HSD17B12: variants seen among roughly 807,000 people sequenced by gnomAD.
HSD17B12 encodes the protein very-long-chain 3-oxoacyl-CoA reductase.
In HSD17B12, 32 loss-of-function variants were observed where a neutral mutation model predicts 39.3. The ratio of observed to expected loss-of-function variants is 0.81; its 90% CI spans 0.61 to 1.09. HSD17B12 has a LOEUF of 1.09. Among genes scored for constraint, HSD17B12 ranks in the 50% least tolerant of loss-of-function variants. The probability of loss-of-function intolerance (pLI) is 0.00; values close to 1 mark genes in which losing one functional copy is unlikely to be tolerated. For missense variants in HSD17B12, 342 were observed against 382.9 expected, an observed-to-expected ratio of 0.89 and a Z score of 0.89; for synonymous variants, 150 against 146.7, an observed-to-expected ratio of 1.02 and a Z score of -0.16.
chr11:43,667,434 C>T, the HSD17B12 span, among the ~76,000 whole-genome samples: 9 of 152,064 alleles, frequency 5.9e-5, no homozygotes, highest in African/African-American at 1.7e-4. Flanking sequence ...TGAACCACAC[C>T]GCACCTAGCC....
the HSD17B12 span, among the ~76,000 whole-genome samples, chr11:43,600,792 A>G: frequency 0.12 from 18,209 of 151,956 alleles, 1,399 homozygotes; most frequent in Middle Eastern, 0.25. Context: ...TTAATATAAT[A>G]TATGTAAATT....
chr11:43,685,002 T>C (rs1245204163), intron 1 of HSD17B12, among the ~76,000 whole-genome samples: 3 of 152,222 alleles, frequency 2.0e-5, no homozygotes, highest in Non-Finnish European at 1.5e-5. Context: ...GCATAATGTT[T>C]TCAAGTTTCA....
chr11:43,729,796 G>A (rs757112951), intron 1 of HSD17B12, among the ~76,000 whole-genome samples: 1 of 152,198 alleles, frequency 6.6e-6, no homozygotes, highest in Admixed American at 6.5e-5. Context: ...TATTTCATCA[G>A]TCTTTAACAC....
intron 1 of HSD17B12, among the ~76,000 whole-genome samples, chr11:43,724,554 A>G (rs1950204338): frequency 6.6e-6 from 1 of 152,132 alleles, no homozygotes; most frequent in Non-Finnish European, 1.5e-5. Context: ...AAGGTCCTGG[A>G]AGATTTGGTA....
At chr11:43,576,103 A>G in the HSD17B12 span, among the ~76,000 whole-genome samples, 3 of 152,224 alleles carry the variant, frequency 2.0e-5, no homozygotes, top group Admixed American at 6.5e-5. Context: ...CAATGGAGAC[A>G]TGCAGCTCTA....
At chr11:43,775,175 TGTGAACAACCA>T (rs1208855939) in intron 3 of HSD17B12, among the ~76,000 whole-genome samples, 2 of 152,172 alleles carry the variant, frequency 1.3e-5, no homozygotes, top group Non-Finnish European at 2.9e-5. Flanking sequence ...GAAACTGAGT[TGTGAACAACCA>T]GTGAACTTGA....
chr11:43,602,532 T>G, the HSD17B12 span, among the ~76,000 whole-genome samples: 13 of 152,152 alleles, frequency 8.5e-5, no homozygotes, highest in Non-Finnish European at 1.2e-4. Flanking sequence ...TGGGGTCCTT[T>G]TTACCCCCCA....
At chr11:43,664,843 C>T in the HSD17B12 span, among the ~76,000 whole-genome samples, 1 of 152,136 alleles carries the variant, frequency 6.6e-6, no homozygotes, top group Non-Finnish European at 1.5e-5. Context: ...GCCCAGTTTA[C>T]TAAACATCTT....
At chr11:43,761,425 T>G (rs895546148) in intron 3 of HSD17B12, among the ~76,000 whole-genome samples, 1 of 152,268 alleles carries the variant, frequency 6.6e-6, no homozygotes, top group African/African-American at 2.4e-5. Context: ...TAAATTTATC[T>G]AATGATTTAC....
the HSD17B12 span, among the ~76,000 whole-genome samples, chr11:43,605,388 C>G: frequency 5.3e-5 from 8 of 151,876 alleles, no homozygotes; most frequent in Non-Finnish European, 7.4e-5. Flanking sequence ...ATGGAGAAAC[C>G]CCGTCTCTAC....
At chr11:43,740,238 C>T (rs907267317) in intron 1 of HSD17B12, among the ~76,000 whole-genome samples, 2 of 152,048 alleles carry the variant, frequency 1.3e-5, no homozygotes, top group African/African-American at 2.4e-5. Context: ...AAAGATTCCT[C>T]GTACAAGTCC....
the HSD17B12 span, among the ~76,000 whole-genome samples, chr11:43,675,264 A>G: frequency 1.3e-5 from 2 of 152,228 alleles, no homozygotes; most frequent in Non-Finnish European, 2.9e-5. Flanking sequence ...GGATAAAGCT[A>G]TTTGGGAAAG....
the HSD17B12 span, among the ~76,000 whole-genome samples, chr11:43,598,402 G>T: frequency 6.6e-6 from 1 of 151,174 alleles, no homozygotes; most frequent in Non-Finnish European, 1.5e-5. Flanking sequence ...CTTGAGCTGG[G>T]GTATTTTTTT....
chr11:43,634,968 A>G, the HSD17B12 span, among the ~76,000 whole-genome samples: 1 of 152,224 alleles, frequency 6.6e-6, no homozygotes, highest in Non-Finnish European at 1.5e-5. Flanking sequence ...TGTTGGTGTG[A>G]TAATGCCTTT....
At chr11:43,558,946 A>T in the HSD17B12 span, among the ~76,000 whole-genome samples, 1 of 152,154 alleles carries the variant, frequency 6.6e-6, no homozygotes, top group African/African-American at 2.4e-5. Flanking sequence ...ATGTTGGTAT[A>T]GACTGTGATT....
intron 1 of HSD17B12, among the ~76,000 whole-genome samples, chr11:43,684,464 G>C (rs912557680): frequency 1.5e-4 from 23 of 152,220 alleles, no homozygotes; most frequent in African/African-American, 5.3e-4. Context: ...TATTTGAGTA[G>C]TTTCCATTGC....
At chr11:43,842,849 G>A (rs1006545648) in intron 9 of HSD17B12, among the ~76,000 whole-genome samples, 6 of 152,186 alleles carry the variant, frequency 3.9e-5, no homozygotes, top group Non-Finnish European at 7.4e-5. Context: ...AGTGACAGAA[G>A]GTAGCATTAG....
At chr11:43,662,011 A>G in the HSD17B12 span, among the ~76,000 whole-genome samples, 1 of 152,126 alleles carries the variant, frequency 6.6e-6, no homozygotes, top group African/African-American at 2.4e-5. Context: ...ACCTCCATTT[A>G]TACTTTCCTT....
the HSD17B12 span, among the ~76,000 whole-genome samples, chr11:43,572,460 C>T: frequency 2.6e-5 from 4 of 152,094 alleles, no homozygotes; most frequent in African/African-American, 9.7e-5. Context: ...AGGTTGGAAT[C>T]GAGGCAACAT....
Sources: gnomAD v4.1 joint callset for allele counts (sites outside exome capture counted in the v4.1 genomes callset) on GRCh38, gnomAD v4.1.1 for gene constraint, MANE v1.5 for transcripts, NCBI Gene and HGNC (gene_info 2026-07-23, HGNC 2026-07-21) for gene names.